FOXO1: variants seen among roughly 807,000 people sequenced by gnomAD.
FOXO1 encodes the protein forkhead box protein O1.
A neutral mutation model predicts 44.1 loss-of-function variants in FOXO1; 6 were observed. The ratio of observed to expected loss-of-function variants is 0.14; its 90% CI spans 0.07 to 0.27. The LOEUF is 0.27. FOXO1 is among the 10% of genes least tolerant of loss of function. The pLI is 1.00. For missense variants in FOXO1, 737 were observed against 888.8 expected, an observed-to-expected ratio of 0.83 and a Z score of 2.17; for synonymous variants, 380 against 362.7, an observed-to-expected ratio of 1.05 and a Z score of -0.54.
At chr13:40,643,064 G>A (rs977119735) in intron 1 of FOXO1, among the ~76,000 whole-genome samples, 6 of 152,036 alleles carry the variant, frequency 3.9e-5, no homozygotes, top group African/African-American at 1.2e-4. Flanking sequence ...ATACAGGACC[G>A]GGCGTGGTGG....
intron 1 of FOXO1, among the ~76,000 whole-genome samples, chr13:40,588,511 A>AT (rs1875255344): frequency 6.6e-6 from 1 of 152,208 alleles, no homozygotes; most frequent in Non-Finnish European, 1.5e-5. Flanking sequence ...AACAAATTAT[A>AT]TTTAAGTTTT....
intron 1 of FOXO1, among the ~76,000 whole-genome samples, chr13:40,608,107 C>G (rs575798464): frequency 6.6e-6 from 1 of 152,208 alleles, no homozygotes; most frequent in Non-Finnish European, 1.5e-5. Flanking sequence ...CAATAAGACA[C>G]CACCATATAA....
chr13:40,619,988 G>T, intron 1 of FOXO1: 1 of 702,922 alleles, frequency 1.4e-6, no homozygotes, highest in Non-Finnish European at 2.6e-6. Flanking sequence ...CCAATTCAGA[G>T]ACACAGTGGC....
chr13:40,633,973 T>C (rs994895718), intron 1 of FOXO1, among the ~76,000 whole-genome samples: 4 of 152,162 alleles, frequency 2.6e-5, no homozygotes, highest in Non-Finnish European at 5.9e-5. Context: ...TTCATCAAAA[T>C]AAACTTATGA....
chr13:40,661,241 G>A (rs921543155), intron 1 of FOXO1, among the ~76,000 whole-genome samples: 10 of 151,498 alleles, frequency 6.6e-5, no homozygotes, highest in Middle Eastern at 3.2e-3. Flanking sequence ...CTTCATTATC[G>A]CTTCCCCAAG....
chr13:40,605,029 A>G lies in FOXO1; in HGVS notation c.631-44169T>C, dbSNP rs537157091. Among the ~76,000 whole-genome samples the G allele has an allele frequency of 2.0e-5, 3 of 152,052 alleles. No individual in the cohort carries two copies. The East Asian group carries it at 5.8e-4, about 29-fold the overall frequency. On this transcript the variant is annotated intron_variant, in intron 1 of 2. Coordinates refer to ENST00000379561, the MANE Select transcript of FOXO1 (RefSeq NM_002015.4). ...TTTGATTTACTGATTTACTAAAAAT[A>G]AAATAAAATTAGTGATGTTCTTTAT...
intron 1 of FOXO1, among the ~76,000 whole-genome samples, chr13:40,596,505 A>G (rs1875583225): frequency 6.6e-6 from 1 of 152,214 alleles, no homozygotes; most frequent in Non-Finnish European, 1.5e-5. Context: ...AATCCCTGCC[A>G]GTTATTAGTT....
At chr13:40,638,889 T>C (rs1877254095) in intron 1 of FOXO1, among the ~76,000 whole-genome samples, 1 of 152,086 alleles carries the variant, frequency 6.6e-6, no homozygotes, top group African/African-American at 2.4e-5. Flanking sequence ...GCACCACCTC[T>C]GTAACTCCAG....
At chr13:40,628,667 T>C (rs1273868597) in intron 1 of FOXO1, among the ~76,000 whole-genome samples, 10 of 152,188 alleles carry the variant, frequency 6.6e-5, no homozygotes, top group African/African-American at 2.2e-4. Flanking sequence ...ATCTGTGAAA[T>C]GGGGACATGG....
Position 40,620,156 on chromosome 13 carries a change from G to A in FOXO1, c.630+45427C>T, listed in dbSNP as rs544755698. On this transcript the variant is annotated intron_variant, in intron 1 of 2. Coordinates refer to ENST00000379561, the MANE Select transcript of FOXO1 (RefSeq NM_002015.4). The stretch of plus-strand genomic sequence containing the variant: ...TTCTCTAATTCAAGACTTATGTCAA[G>A]AATAACAGTAGAAGAAGAATCCAGC... 2.7e-6 allele frequency: 4 copies of A among 1,480,022 alleles called. No homozygotes were observed. In the South Asian group the frequency reaches 4.5e-5, roughly 17 times the overall value. 91.7% of individuals were successfully genotyped at this position (1,480,022 alleles called of 1,614,324 possible).
chr13:40,628,947 G>A (rs1168781550), intron 1 of FOXO1, among the ~76,000 whole-genome samples: 1 of 151,992 alleles, frequency 6.6e-6, no homozygotes, highest in African/African-American at 2.4e-5. Context: ...AGTGCATCTC[G>A]GGAATAAAAT....
chr13:40,665,458 GC>G, intron 1 of FOXO1, 124 bp downstream of exon 1: 1 of 847,422 alleles, frequency 1.2e-6, no homozygotes, highest in African/African-American at 1.8e-5. Flanking sequence ...ACCGCTTCTC[GC>G]CCGCCCTCCT....
chr13:40,613,384 CCTAAT>C (rs1876304277), intron 1 of FOXO1, among the ~76,000 whole-genome samples: 1 of 151,614 alleles, frequency 6.6e-6, no homozygotes. Flanking sequence ...CTCCGACACC[CCTAAT>C]CTAATCAATT....
chr13:40,661,815 A>G (rs925885040), intron 1 of FOXO1, among the ~76,000 whole-genome samples: 3 of 152,138 alleles, frequency 2.0e-5, no homozygotes, highest in African/African-American at 7.2e-5. Flanking sequence ...ACATAAGGAA[A>G]TCCACTGTCA....
intron 1 of FOXO1, among the ~76,000 whole-genome samples, chr13:40,573,148 C>T (rs1874607467): frequency 6.6e-6 from 1 of 152,208 alleles, no homozygotes; most frequent in African/African-American, 2.4e-5. Flanking sequence ...AGTGGAAGCA[C>T]CTGTGCTGAG....
chr13:40,599,060 C>CA (rs560500880), intron 1 of FOXO1, among the ~76,000 whole-genome samples: 42 of 151,472 alleles, frequency 2.8e-4, no homozygotes, highest in African/African-American at 9.7e-4. Flanking sequence ...TTGCTTATTC[C>CA]ATTAAGAGCT....
At chr13:40,569,809 C>A (rs560395415) in intron 1 of FOXO1, among the ~76,000 whole-genome samples, 27 of 152,172 alleles carry the variant, frequency 1.8e-4, no homozygotes, top group African/African-American at 6.5e-4. Context: ...TTGGGTTTTG[C>A]TATGCTGCCC....
chr13:40,593,542 T>C (rs1027636702), intron 1 of FOXO1, among the ~76,000 whole-genome samples: 1 of 152,182 alleles, frequency 6.6e-6, no homozygotes, highest in African/African-American at 2.4e-5. Flanking sequence ...TTTAAAAATA[T>C]TTCAAGTTCA....
At chr13:40,566,338 T>C (rs1448658732) in intron 1 of FOXO1, among the ~76,000 whole-genome samples, 1 of 151,928 alleles carries the variant, frequency 6.6e-6, no homozygotes, top group Non-Finnish European at 1.5e-5. Context: ...CATCAGCCAC[T>C]GAAGTGCAGG....
Sources: gnomAD v4.1 joint callset for allele counts (sites outside exome capture counted in the v4.1 genomes callset) on GRCh38, gnomAD v4.1.1 for gene constraint, MANE v1.5 for transcripts, NCBI Gene and HGNC (gene_info 2026-07-23, HGNC 2026-07-21) for gene names.